The following HIVEP2 variants were observed in gnomAD, a reference collection of about 807,000 sequenced individuals.
HIVEP2 encodes transcription factor HIVEP2.
Under a neutral mutation model 180.7 loss-of-function variants are expected in HIVEP2, and 14 were observed. The ratio of observed to expected loss-of-function variants is 0.08; its 90% confidence interval spans 0.05 to 0.12. The LOEUF (loss-of-function observed/expected upper bound fraction) is 0.12, where lower values mean the gene tolerates loss of function less well. Among genes scored for constraint, HIVEP2 ranks in the 10% least tolerant of loss-of-function variants. The pLI, the probability that HIVEP2 is intolerant of heterozygous loss-of-function variation, is 1.00. For missense variants in HIVEP2, 2,579 were observed against 3,008.5 expected, an observed-to-expected ratio of 0.86 and a Z score of 3.34; for synonymous variants, 1,184 against 1,136.4, an observed-to-expected ratio of 1.04 and a Z score of -0.84.
intron 2 of HIVEP2, among the ~76,000 whole-genome samples, chr6:142,797,155 T>C (rs1699610351): frequency 6.6e-6 from 1 of 152,148 alleles, no homozygotes; most frequent in Non-Finnish European, 1.5e-5. Flanking sequence ...TTTTCTTTTT[T>C]TGATGTTTCT....
chr6:142,881,530 T>A (rs1240133645), intron 1 of HIVEP2, among the ~76,000 whole-genome samples: 1 of 152,188 alleles, frequency 6.6e-6, no homozygotes, highest in Non-Finnish European at 1.5e-5. Context: ...GATAGTGTCA[T>A]CTAACTTTAG....
rs762008627 is a variant in HIVEP2 at position 142,759,928 on chromosome 6, C to A, written c.6360G>T (p.Gly2120=). ...GGTCTCTTCTTGCTGTGATATCTTT[C>A]CCAGGAGACACTGGCCTCCTTGGAG... ...HLSPRRPVSP[G]KDITARRDLS... is the part of the protein sequence containing the mutation. The change falls in exon 9 of 10, where the codon GGG becomes GGT. Residue 2120 remains glycine, a synonymous_variant. Transcript: ENST00000367603. 6.2e-7 allele frequency: 1 copy of A among 1,614,072 alleles called. No individual in the cohort carries two copies. Among genetic ancestry groups the A allele is most frequent in the Non-Finnish European group, 8.5e-7 (1 of 1,179,994 alleles).
chr6:142,756,488 A>G (rs917689296), intron 9 of HIVEP2, among the ~76,000 whole-genome samples: 1 of 152,190 alleles, frequency 6.6e-6, no homozygotes, highest in Non-Finnish European at 1.5e-5. Context: ...CCAGAAACAA[A>G]TTAAAAAACT....
At position 142,753,935 on chromosome 6, in the gene HIVEP2, C is replaced by A. The variant is rs776146629; in HGVS notation, c.6517-4G>T. 8 of 1,516,258 alleles carry A rather than the reference C, an allele frequency of 5.3e-6. No homozygotes were observed. 93.9% of individuals were successfully genotyped at this position (1,516,258 alleles called of 1,614,324 possible). ...GAGGTAATCCTCTTCTTAAATTCTGCGCAGAGAAACAAAGAGAGCACAAAA... is the reference window on the plus strand; with the variant it reads ...GAGGTAATCCTCTTCTTAAATTCTGAGCAGAGAAACAAAGAGAGCACAAAA... On this transcript the variant is annotated splice_polypyrimidine_tract_variant and splice_region_variant and intron_variant, in intron 9 of 9. Transcript: ENST00000367603.
At chr6:142,755,566 A>C (rs1006950759) in intron 9 of HIVEP2, among the ~76,000 whole-genome samples, 1 of 152,190 alleles carries the variant, frequency 6.6e-6, no homozygotes, top group African/African-American at 2.4e-5. Flanking sequence ...ATTGCATACA[A>C]CCAGTCAGAA....
chr6:142,774,753 T>C lies in HIVEP2; in HGVS notation c.-15A>G. On this transcript the variant is annotated 5_prime_UTR_variant, in exon 5 of 10. Coordinates refer to ENST00000367603, the MANE Select transcript of HIVEP2 (RefSeq NM_006734.4). The surrounding 1 kb of genome is among the most constrained non-coding windows in gnomAD (Gnocchi z 5.1). Reference sequence around the variant, plus strand: ...CCAGTGTCCATTTTGTTACACAAGGTCTTAAGTGCTAGTTCCCCTGAAAGC... The same window carrying C: ...CCAGTGTCCATTTTGTTACACAAGGCCTTAAGTGCTAGTTCCCCTGAAAGC... The C allele has an allele frequency of 6.2e-7, 1 of 1,610,428 alleles. No individual in the cohort carries two copies. Among genetic ancestry groups the C allele is most frequent in the Non-Finnish European group, 8.5e-7 (1 of 1,177,926 alleles).
rs773656195 is a variant in HIVEP2 at position 142,753,780 on chromosome 6, C to T, written c.6668G>A (p.Arg2223Gln). ...HLPLHSQQQV[R>Q]APIPMVPVGG... ...AACGGGCACCATGGGGATAGGGGCT[C>T]GCACTTGTTGCTGAGAGTGGAGTGG... Residue 2223 changes from arginine to glutamine, a missense_variant, in exon 10 of 10, where the codon CGA becomes CAA. By Grantham distance (43) the Arg-to-Gln change is conservative. This residue lies in a region of HIVEP2 where 660 missense variants were observed against 731.7 expected (regional missense o/e 0.90). Coordinates refer to ENST00000367603, the MANE Select transcript of HIVEP2 (RefSeq NM_006734.4). 5 of 1,614,140 alleles carry T rather than the reference C, an allele frequency of 3.1e-6. No individual in the cohort carries two copies. Among genetic ancestry groups the T allele is most frequent in the South Asian group, 1.1e-5 (1 of 91,082 alleles).
intron 2 of HIVEP2, among the ~76,000 whole-genome samples, chr6:142,788,727 A>G (rs935887796): frequency 1.6e-4 from 6 of 37,268 alleles, no homozygotes; most frequent in African/African-American, 3.5e-4. Context: ...AACAACAACA[A>G]CAAACAAACA....
chr6:142,881,141 T>C (rs868013500), intron 1 of HIVEP2, among the ~76,000 whole-genome samples: 3 of 152,220 alleles, frequency 2.0e-5, no homozygotes, highest in Admixed American at 6.5e-5. Flanking sequence ...ATAAATTCTT[T>C]ATTGGACTAT....
At chr6:142,830,658 G>C (rs1775053514) in intron 2 of HIVEP2, among the ~76,000 whole-genome samples, 1 of 152,010 alleles carries the variant, frequency 6.6e-6, no homozygotes, top group South Asian at 2.1e-4. Flanking sequence ...GAAAAGTAAA[G>C]TACTATAAAA....
At chr6:142,853,925 A>G (rs1203922153) in intron 1 of HIVEP2, among the ~76,000 whole-genome samples, 2 of 152,198 alleles carry the variant, frequency 1.3e-5, no homozygotes, top group Non-Finnish European at 2.9e-5. Flanking sequence ...TGAGGGCAAG[A>G]GAATTGAGGA....
At chr6:142,898,165 G>C (rs534913117) in intron 1 of HIVEP2, among the ~76,000 whole-genome samples, 1 of 152,248 alleles carries the variant, frequency 6.6e-6, no homozygotes, top group East Asian at 1.9e-4. Flanking sequence ...TGAGTCTGGA[G>C]CTTTACCTAT....
At chr6:142,882,047 C>G (rs1239437773) in intron 1 of HIVEP2, among the ~76,000 whole-genome samples, 3 of 152,188 alleles carry the variant, frequency 2.0e-5, no homozygotes, top group African/African-American at 7.2e-5. Context: ...TCATCACGCT[C>G]TCTCCTGACA....
At chr6:142,894,682 T>C (rs144905865) in intron 1 of HIVEP2, among the ~76,000 whole-genome samples, 113 of 152,358 alleles carry the variant, frequency 7.4e-4, no homozygotes, top group African/African-American at 2.5e-3. Context: ...TTTACTACTT[T>C]ATTCCTGGAA....
chr6:142,927,236 C>G (rs1226224894), intron 1 of HIVEP2, among the ~76,000 whole-genome samples: 1 of 152,260 alleles, frequency 6.6e-6, no homozygotes, highest in South Asian at 2.1e-4. Flanking sequence ...GAGGAAAAGG[C>G]GTGCGTTTCC....
At chr6:142,900,417 G>A (rs998058801) in intron 1 of HIVEP2, among the ~76,000 whole-genome samples, 1 of 152,100 alleles carries the variant, frequency 6.6e-6, no homozygotes, top group Non-Finnish European at 1.5e-5. Flanking sequence ...TGGGCCACAC[G>A]GTATTTAAGT....
chr6:142,867,405 C>T (rs1268645270), intron 1 of HIVEP2, among the ~76,000 whole-genome samples: 3 of 152,114 alleles, frequency 2.0e-5, no homozygotes, highest in Non-Finnish European at 4.4e-5. Flanking sequence ...ATCTACTATA[C>T]ATTTGGTCAA....
chr6:142,792,645 G>A (rs866829713), intron 2 of HIVEP2, among the ~76,000 whole-genome samples: 6 of 151,988 alleles, frequency 3.9e-5, no homozygotes, highest in South Asian at 2.1e-4. Flanking sequence ...GTTGATAGGC[G>A]CAGCAAACAA....
At chr6:142,801,367 T>C (rs778578993) in intron 2 of HIVEP2, among the ~76,000 whole-genome samples, 13 of 148,056 alleles carry the variant, frequency 8.8e-5, no homozygotes, top group South Asian at 2.1e-4. Context: ...TGAGATGAGA[T>C]TGTGCCACTG....
Sources: gnomAD v4.1 joint callset for allele counts (sites outside exome capture counted in the v4.1 genomes callset) on GRCh38, gnomAD v4.1.1 for gene constraint, gnomAD v4.1.1 regional missense constraint, Gnocchi (gnomAD v3.1) non-coding constraint, MANE v1.5 for transcripts, NCBI Gene and HGNC (gene_info 2026-07-23, HGNC 2026-07-21) for gene names.